COL6A5: variants seen among roughly 807,000 people sequenced by gnomAD.
The protein encoded by COL6A5 is collagen type VI alpha 5 chain.
Under a neutral mutation model 65.6 loss-of-function variants are expected in COL6A5, and 48 were observed. The observed-to-expected ratio is 0.73, with a 90% confidence interval of 0.58 to 0.93. The LOEUF is 0.93. Ranked by LOEUF, COL6A5 falls within the 40% of genes least tolerant of loss-of-function variation. COL6A5 has a pLI of 0.00. For synonymous variants in COL6A5, 291 were observed against 322.8 expected (o/e 0.90, Z 1.05); for missense variants, 914 against 928.3 (o/e 0.98, Z 0.20).
chr3:130,354,949 A>G (rs1331204375), intron 1 of COL6A5, among the ~76,000 whole-genome samples: 1 of 152,182 alleles, frequency 6.6e-6, no homozygotes, highest in Non-Finnish European at 1.5e-5. Context: ...GTATTAATAA[A>G]GTAAAATATC....
intron 1 of COL6A5, among the ~76,000 whole-genome samples, chr3:130,439,099 A>C (rs1370225854): frequency 1.3e-5 from 2 of 152,184 alleles, no homozygotes; most frequent in Non-Finnish European, 1.5e-5. Flanking sequence ...TTGGGAACGT[A>C]CAATTTCTGC....
chr3:130,366,149 C>T (rs376728410), intron 1 of COL6A5, among the ~76,000 whole-genome samples: 3 of 152,072 alleles, frequency 2.0e-5, no homozygotes, highest in Admixed American at 1.3e-4. Context: ...ATATAATAGG[C>T]CTTATGAAGT....
intron 4 of COL6A5, among the ~76,000 whole-genome samples, chr3:130,381,735 G>A (rs1413414331): frequency 2.0e-5 from 3 of 152,058 alleles, no homozygotes; most frequent in African/African-American, 7.2e-5. Flanking sequence ...ACACAACATG[G>A]AAAGGAATTT....
chr3:130,414,070 G>C, exon 22 of COL6A5: 1 of 1,550,024 alleles, frequency 6.5e-7, no homozygotes, highest in Middle Eastern at 1.7e-4. Context: ...GTTCATCAGG[G>C]AGAACCAGGA....
chr3:130,356,142 A>C (rs75337292), intron 1 of COL6A5, among the ~76,000 whole-genome samples: 1,557 of 152,264 alleles, frequency 0.01, 17 homozygotes, highest in South Asian at 0.081. Flanking sequence ...CAGTGGGCCA[A>C]AGCAGACAGT....
chr3:130,413,451 T>G, intron 20 of COL6A5, 94 bp from the exon 21 acceptor site: 1 of 1,176,328 alleles, frequency 8.5e-7, no homozygotes, highest in South Asian at 1.3e-5. Context: ...TGCTCATTAC[T>G]TATGTCTAGC....
At chr3:130,444,799 A>G (rs1198774577) in intron 4 of COL6A5, among the ~76,000 whole-genome samples, 1 of 152,210 alleles carries the variant, frequency 6.6e-6, no homozygotes, top group Non-Finnish European at 1.5e-5. Flanking sequence ...CATGATGGAT[A>G]AGTGAGCTTG....
chr3:130,352,275 G>T (rs1001655084), intron 1 of COL6A5, among the ~76,000 whole-genome samples: 1 of 151,888 alleles, frequency 6.6e-6, no homozygotes. Flanking sequence ...CCTGCACATT[G>T]TGCACATGTA....
chr3:130,424,554 G>A (rs1170839796), intron 29 of COL6A5, among the ~76,000 whole-genome samples: 2 of 152,036 alleles, frequency 1.3e-5, no homozygotes, highest in Non-Finnish European at 2.9e-5. Flanking sequence ...GGAGACCCAG[G>A]CAGCATTGTG....
chr3:130,374,449 C>A (rs754877108), intron 2 of COL6A5, among the ~76,000 whole-genome samples: 8 of 152,024 alleles, frequency 5.3e-5, no homozygotes, highest in Non-Finnish European at 1.2e-4. Context: ...AATTTTTCAG[C>A]TCTATTATAA....
At chr3:130,379,060 G>A (rs1935891450) in intron 3 of COL6A5, among the ~76,000 whole-genome samples, 1 of 140,766 alleles carries the variant, frequency 7.1e-6, no homozygotes, top group African/African-American at 2.7e-5. Context: ...AGTAGTGAAG[G>A]TAGTGGTGAC....
chr3:130,450,923 C>T (rs914387639), intron 4 of COL6A5, among the ~76,000 whole-genome samples: 1 of 152,044 alleles, frequency 6.6e-6, no homozygotes, highest in Non-Finnish European at 1.5e-5. Context: ...GCCATTACTT[C>T]GATTTAGCTG....
chr3:130,416,757 G>A (rs1463172489), exon 24 of COL6A5: 5 of 1,522,724 alleles, frequency 3.3e-6, no homozygotes, highest in Non-Finnish European at 4.4e-6. Context: ...TTTTTTTCAG[G>A]GTTCTCCTGG....
At position 130,432,161 on chromosome 3, in the gene COL6A5, C is replaced by T. The variant is rs116931673; in HGVS notation, c.487+212C>T. On this transcript the variant is annotated intron_variant, in intron 1 of 7. Coordinates refer to ENST00000512836, the Ensembl canonical transcript of COL6A5. Reference sequence around the variant, plus strand: ...TAACAGCAACCACATTTGCTCAGCTCGTGCTGTATGCCAGGCACTGTCCCT... The same window carrying T: ...TAACAGCAACCACATTTGCTCAGCTTGTGCTGTATGCCAGGCACTGTCCCT... Among the ~76,000 whole-genome samples the T allele has an allele frequency of 1.2e-3, 179 of 152,258 alleles. 2 individuals are homozygous for T. In the East Asian group the frequency reaches 0.026, roughly 22 times the overall value.
At chr3:130,364,045 C>G (rs1000796008) in intron 1 of COL6A5, among the ~76,000 whole-genome samples, 2 of 152,176 alleles carry the variant, frequency 1.3e-5, no homozygotes, top group Non-Finnish European at 2.9e-5. Flanking sequence ...AGCTACCACA[C>G]AGCAAACTAG....
At chr3:130,401,949 A>G (rs1309898950) in intron 12 of COL6A5, 95 bp downstream of exon 12, 6 of 864,204 alleles carry the variant, frequency 6.9e-6, no homozygotes, top group African/African-American at 6.8e-5. Flanking sequence ...CCTTCACTCT[A>G]TGCTAATGGA....
chr3:130,352,475 ATCTC>A lies in COL6A5; in HGVS notation c.-29+6498_-29+6501del, dbSNP rs1367265271. ...TCGGTGTGAAATTAGAGTAATAATGATCTCTCTATCTAGATTTTAAAGCAGTTTA... is the reference window on the plus strand; with the variant it reads ...TCGGTGTGAAATTAGAGTAATAATGATCTATCTAGATTTTAAAGCAGTTTA... On this transcript the variant is annotated intron_variant and NMD_transcript_variant, in intron 1 of 41. Transcript: ENST00000312481. Among the ~76,000 whole-genome samples, 10 of 152,150 alleles carry A rather than the reference ATCTC, an allele frequency of 6.6e-5. No homozygotes were observed. In the East Asian group the frequency reaches 1.9e-3, roughly 29 times the overall value.
At chr3:130,470,527 TA>T (rs967954226) in intron 6 of COL6A5, among the ~76,000 whole-genome samples, 49 of 148,638 alleles carry the variant, frequency 3.3e-4, no homozygotes, top group African/African-American at 8.9e-4. Context: ...AAAGTATAAT[TA>T]AAAAAAAAAT....
At chr3:130,359,052 G>GA (rs1228300478) in intron 1 of COL6A5, among the ~76,000 whole-genome samples, 1 of 152,140 alleles carries the variant, frequency 6.6e-6, no homozygotes, top group Non-Finnish European at 1.5e-5. Flanking sequence ...TGACTAATCA[G>GA]AATGGATGTT....
Sources: allele counts gnomAD v4.1 joint callset (sites outside exome capture counted in the v4.1 genomes callset), GRCh38; gene constraint gnomAD v4.1.1; transcripts MANE v1.5; gene names NCBI Gene and HGNC (gene_info 2026-07-23, HGNC 2026-07-21).